ABCA12: variants seen among roughly 807,000 people sequenced by gnomAD.
ABCA12 encodes the protein ATP binding cassette subfamily A member 12.
A neutral mutation model predicts 293.5 loss-of-function variants in ABCA12; 156 were observed. The observed-to-expected ratio is 0.53, with a 90% CI of 0.47 to 0.61. The LOEUF (loss-of-function observed/expected upper bound fraction) is 0.61. Ranked by LOEUF, ABCA12 falls within the 20% of genes least tolerant of loss-of-function variation. The pLI, the probability that ABCA12 is intolerant of heterozygous loss-of-function variation, is 0.00. For missense variants in ABCA12, 2,797 were observed against 3,090.2 expected (o/e 0.91, Z 2.25); for synonymous variants, 1,063 against 1,108.0 (o/e 0.96, Z 0.81).
At chr2:215,075,898 G>A (rs1701824946) in intron 2 of ABCA12, among the ~76,000 whole-genome samples, 2 of 152,136 alleles carry the variant, frequency 1.3e-5, no homozygotes, top group Admixed American at 6.5e-5. Flanking sequence ...ACCTCATCAA[G>A]GCAGAAGCTT....
chr2:215,052,366 CTGAGA>C (rs1293899030), intron 5 of ABCA12, 116 bp downstream of exon 5: 1 of 797,082 alleles, frequency 1.3e-6, no homozygotes, highest in African/African-American at 1.7e-5. Flanking sequence ...AAGAAGTTGC[CTGAGA>C]TATTACCCTA....
chr2:214,956,469 TAAC>T (rs1274739545), intron 42 of ABCA12, among the ~76,000 whole-genome samples, 191 bp downstream of exon 42: 5 of 144,572 alleles, frequency 3.5e-5, no homozygotes, highest in East Asian at 2.0e-4. Context: ...TTACTATTAA[TAAC>T]AACATTAATT....
At chr2:215,009,745 G>T (rs141114075) in intron 18 of ABCA12, among the ~76,000 whole-genome samples, 6 of 152,152 alleles carry the variant, frequency 3.9e-5, no homozygotes, top group African/African-American at 1.2e-4. Context: ...CTTTAGCTCC[G>T]TCATTTTAAA....
At chr2:214,946,016 G>A (rs902966662) in intron 48 of ABCA12, among the ~76,000 whole-genome samples, 1 of 152,006 alleles carries the variant, frequency 6.6e-6, no homozygotes, top group Non-Finnish European at 1.5e-5. Context: ...GGTCTATAGG[G>A]TGACTATAGT....
At chr2:215,120,598 A>G (rs545170865) in intron 1 of ABCA12, among the ~76,000 whole-genome samples, 10 of 152,214 alleles carry the variant, frequency 6.6e-5, no homozygotes, top group Admixed American at 2.0e-4. Flanking sequence ...AGATCCACAG[A>G]TGGGGAAGAG....
chr2:214,989,652 CT>C, intron 24 of ABCA12, 31 bp from the exon 25 acceptor site: 1 of 1,610,676 alleles, frequency 6.2e-7, no homozygotes, highest in South Asian at 1.1e-5. Flanking sequence ...AATGATAGTT[CT>C]TGTAGATTTC....
chr2:214,981,939 G>GTTTTTATTA, intron 30 of ABCA12, among the ~76,000 whole-genome samples: 1 of 115,046 alleles, frequency 8.7e-6, no homozygotes, highest in African/African-American at 3.7e-5. Flanking sequence ...ACAGTCAGCT[G>GTTTTTATTA]TTTTTATTAT....
At position 214,981,762 on chromosome 2, in the gene ABCA12, T is replaced by A. The variant is rs980092945; in HGVS notation, c.4579+425A>T. ...ATAAACAGAAAAGTCGTCAAGCTGG[T>A]TTTTTTTTTTTTTTTTTTTTTGAGA... On this transcript the variant is annotated intron_variant, in intron 30 of 52. Transcript: ENST00000272895. Among the ~76,000 whole-genome samples the A allele has an allele frequency of 6.5e-4, 3 of 4,604 alleles. No homozygotes were observed. The Non-Finnish European group carries it at 0.021, about 32-fold the overall frequency. The allele number at this position is 4,604 out of a possible 152,430, so 3.0% of individuals were successfully genotyped here.
chr2:215,037,706 A>G (rs1371559340), intron 7 of ABCA12, among the ~76,000 whole-genome samples: 1 of 152,200 alleles, frequency 6.6e-6, no homozygotes, highest in South Asian at 2.1e-4. Flanking sequence ...AGAAAATCAG[A>G]AAATTCAGTT....
chr2:214,934,624 A>G (rs1173865358), intron 51 of ABCA12, among the ~76,000 whole-genome samples: 1 of 152,172 alleles, frequency 6.6e-6, no homozygotes, highest in Non-Finnish European at 1.5e-5. Flanking sequence ...TAGCAGTTCC[A>G]TTTATATTGG....
At chr2:214,973,393 T>C (rs1469195071) in intron 36 of ABCA12, among the ~76,000 whole-genome samples, 1 of 152,206 alleles carries the variant, frequency 6.6e-6, no homozygotes, top group African/African-American at 2.4e-5. Flanking sequence ...CTCTAGTGAA[T>C]GTGGTTCTCG....
intron 44 of ABCA12, among the ~76,000 whole-genome samples, 167 bp from the exon 45 acceptor site, chr2:214,951,250 C>A (rs1451960040): frequency 1.3e-5 from 2 of 152,172 alleles, no homozygotes; most frequent in African/African-American, 4.8e-5. Flanking sequence ...TCAGTATAGA[C>A]CCTCCTCACT....
intron 24 of ABCA12, among the ~76,000 whole-genome samples, chr2:214,989,974 G>A (rs1467827655): frequency 6.6e-6 from 1 of 151,872 alleles, no homozygotes; most frequent in African/African-American, 2.4e-5. Context: ...AGGGCCAGAA[G>A]GCATTTTCAC....
intron 47 of ABCA12, chr2:214,947,941 C>T (rs1195911063): frequency 3.7e-6 from 1 of 271,004 alleles, no homozygotes; most frequent in Non-Finnish European, 7.2e-6. Flanking sequence ...TTTCTCCTTA[C>T]TGAGGGGTGA....
chr2:214,975,671 G>T, intron 34 of ABCA12, 114 bp downstream of exon 34: 2 of 1,395,538 alleles, frequency 1.4e-6, no homozygotes, highest in Non-Finnish European at 2.0e-6. Context: ...GCAGAATCAG[G>T]TACCATGGCT....
intron 23 of ABCA12, among the ~76,000 whole-genome samples, 180 bp from the exon 24 acceptor site, chr2:214,991,211 C>T (rs1427201706): frequency 6.6e-6 from 1 of 152,090 alleles, no homozygotes; most frequent in Non-Finnish European, 1.5e-5. Flanking sequence ...CTATATACAC[C>T]AGAACAACTT....
At position 214,956,730 on chromosome 2, in the gene ABCA12, A is replaced by G; in HGVS notation, c.6166T>C (p.Phe2056Leu). ...VAFSIGIIAI[F>L]KLPAFYSENN... Reference sequence around the variant, plus strand: ...TCACTGTAGAATGCAGGTAATTTGAAAATCGCAATGATACCAATTGAAAAC... The same window carrying G: ...TCACTGTAGAATGCAGGTAATTTGAGAATCGCAATGATACCAATTGAAAAC... The change falls in exon 42 of 53, where the codon TTC (phenylalanine) becomes CTC (leucine). Residue 2056 changes from phenylalanine (F) to leucine (L), a missense_variant. By Grantham distance (22) the Phe-to-Leu change is conservative (BLOSUM62 0). Transcript: ENST00000272895. 1 of 1,613,844 alleles carries G rather than the reference A, an allele frequency of 6.2e-7. No individual in the cohort carries two copies. The highest frequency in any genetic ancestry group is 1.1e-5 in the South Asian group (1 of 91,078).
At chr2:215,137,887 C>A (rs907526912) in intron 1 of ABCA12, among the ~76,000 whole-genome samples, 2 of 148,512 alleles carry the variant, frequency 1.3e-5, no homozygotes, top group African/African-American at 4.9e-5. Context: ...GAGTCATGTT[C>A]TTTTTTTTTT....
In ABCA12 at chr2:214,968,789, A is replaced by C. The variant is rs1051805154; in HGVS notation, c.5709T>G (p.Phe1903Leu). 6.2e-7 allele frequency: 1 copy of C among 1,613,332 alleles called. No individual in the cohort carries two copies. The highest frequency in any genetic ancestry group is 8.5e-7 in the Non-Finnish European group (1 of 1,179,338). ...FVQKRYGGWSFGLPLTKDLRF... is the reference protein window; with the variant it reads ...FVQKRYGGWSLGLPLTKDLRF... Reference sequence around the variant, plus strand: ...GAAGGTCTTTTGTCAAAGGCAGCCCAAAACTCCAACCTCCATATCTACAGA... The same window carrying C: ...GAAGGTCTTTTGTCAAAGGCAGCCCCAAACTCCAACCTCCATATCTACAGA... The change falls in exon 38 of 53, where the codon TTT becomes TTG. Residue 1903 changes from phenylalanine to leucine, a missense_variant. Transcript: ENST00000272895.
Sources: allele counts gnomAD v4.1 joint callset (sites outside exome capture counted in the v4.1 genomes callset), GRCh38; gene constraint gnomAD v4.1.1; transcripts MANE v1.5; gene names NCBI Gene and HGNC (gene_info 2026-07-23, HGNC 2026-07-21).